PDE7B: variants seen among roughly 807,000 people sequenced by gnomAD.
The protein encoded by PDE7B is 3',5'-cyclic-AMP phosphodiesterase 7B.
In PDE7B, 29 loss-of-function variants were observed where a neutral mutation model predicts 56.2. That is an observed-to-expected ratio of 0.52 (90% CI 0.38 to 0.70). The LOEUF (loss-of-function observed/expected upper bound fraction) is 0.70. PDE7B is among the 30% of genes least tolerant of loss of function. The pLI is 0.00. For missense variants in PDE7B, 490 were observed against 565.0 expected (o/e 0.87, Z 1.35); for synonymous variants, 197 against 196.9 (o/e 1.00, Z 0.00).
chr6:135,909,925 C>T (rs1776183515), intron 1 of PDE7B, among the ~76,000 whole-genome samples: 1 of 152,136 alleles, frequency 6.6e-6, no homozygotes, highest in South Asian at 2.1e-4. Context: ...GAGCTCACAT[C>T]TAATTCTCCA....
chr6:135,868,746 G>A (rs1265496996), intron 1 of PDE7B, among the ~76,000 whole-genome samples: 2 of 152,168 alleles, frequency 1.3e-5, no homozygotes, highest in Non-Finnish European at 2.9e-5. Context: ...GGGAGTACTT[G>A]TGTAATGAAC....
At chr6:136,188,468 T>C (rs1779175048) in intron 12 of PDE7B, among the ~76,000 whole-genome samples, 1 of 152,106 alleles carries the variant, frequency 6.6e-6, no homozygotes, top group Admixed American at 6.5e-5. Context: ...TTCTCTCCTA[T>C]CAATTGCCTT....
intron 3 of PDE7B, among the ~76,000 whole-genome samples, chr6:136,146,383 T>C (rs934492933): frequency 1.3e-5 from 2 of 152,232 alleles, no homozygotes; most frequent in African/African-American, 4.8e-5. Flanking sequence ...ATCACTGTGA[T>C]GTCAACACTC....
chr6:135,898,924 A>G (rs1223628265), intron 1 of PDE7B, among the ~76,000 whole-genome samples: 1 of 152,122 alleles, frequency 6.6e-6, no homozygotes, highest in Non-Finnish European at 1.5e-5. Flanking sequence ...CTGTGTCCCC[A>G]CCCAAATCTC....
At chr6:136,069,665 CA>C (rs1777011743) in intron 2 of PDE7B, among the ~76,000 whole-genome samples, 1 of 152,116 alleles carries the variant, frequency 6.6e-6, no homozygotes, top group South Asian at 2.1e-4. Flanking sequence ...CTTTTTTAAA[CA>C]CTTAGTTCTA....
intron 8 of PDE7B, among the ~76,000 whole-genome samples, chr6:136,159,904 C>A (rs1426997307): frequency 6.6e-6 from 1 of 152,168 alleles, no homozygotes; most frequent in Non-Finnish European, 1.5e-5. Flanking sequence ...ATTCTGTTTG[C>A]CAAATACCCT....
intron 1 of PDE7B, among the ~76,000 whole-genome samples, chr6:135,905,197 C>T (rs1031935508): frequency 3.3e-5 from 5 of 152,146 alleles, no homozygotes; most frequent in African/African-American, 1.2e-4. Context: ...CCAAGTGCCA[C>T]TAACATATTT....
chr6:136,157,832 G>A (rs1207273420), intron 8 of PDE7B, among the ~76,000 whole-genome samples: 1 of 152,174 alleles, frequency 6.6e-6, no homozygotes, highest in Non-Finnish European at 1.5e-5. Context: ...GTACTTTTGG[G>A]ATTAAATTCC....
At chr6:135,889,342 C>A (rs375025907) in intron 1 of PDE7B, among the ~76,000 whole-genome samples, 26 of 151,996 alleles carry the variant, frequency 1.7e-4, no homozygotes, top group Middle Eastern at 3.4e-3. Flanking sequence ...AGTCTTACTC[C>A]GTCACCCAGG....
intron 3 of PDE7B, among the ~76,000 whole-genome samples, chr6:136,111,977 T>C (rs916876551): frequency 6.6e-6 from 1 of 152,130 alleles, no homozygotes; most frequent in East Asian, 1.9e-4. Flanking sequence ...TCACCATAGC[T>C]GTCACTCCCC....
intron 1 of PDE7B, among the ~76,000 whole-genome samples, chr6:135,916,613 G>C (rs971777427): frequency 6.6e-6 from 1 of 151,370 alleles, no homozygotes; most frequent in East Asian, 1.9e-4. Context: ...GGATGGTCTC[G>C]ATCTCTTGAT....
At chr6:135,975,106 G>A (rs1182438657) in intron 2 of PDE7B, among the ~76,000 whole-genome samples, 2 of 152,042 alleles carry the variant, frequency 1.3e-5, no homozygotes, top group African/African-American at 2.4e-5. Flanking sequence ...TGTCATGAGG[G>A]AATGCAGGCT....
chr6:136,108,808 C>T lies in PDE7B; in HGVS notation c.160C>T (p.Leu54Phe), dbSNP rs1777698325. Residue 54 changes from leucine (L) to phenylalanine (F), a missense_variant, in exon 3 of 13, where the codon CTT becomes TTT. Transcript: ENST00000308191. ...CTACCCATTCATTGACTTCCGCCTA[C>T]TTAACAGTGAGTAATCAAGTGTACC... ...GSYPFIDFRL[L>F]NSTTYSGEIG... The T allele has an allele frequency of 6.3e-7, 1 of 1,579,834 alleles. No individual in the cohort carries two copies. Among genetic ancestry groups the T allele is most frequent in the African/African-American group, 1.3e-5 (1 of 74,192 alleles).
rs1779022247 is a variant in PDE7B, at chr6:136,179,031, T to C, written c.838T>C (p.Leu280=). ...TGAACAGCAGCTGGGCTCCTTGATC[T>C]TGGCAACAGACATCAACAGGCAGAA... ...DIEQQLGSLI[L]ATDINRQNEF... is the part of the protein sequence containing the mutation. Residue 280 remains leucine (L), a synonymous_variant, in exon 10 of 13, where the codon TTG becomes CTG. Transcript: ENST00000308191. The C allele has an allele frequency of 6.2e-7, 1 of 1,614,194 alleles. No homozygotes were observed. Among genetic ancestry groups the C allele is most frequent in the African/African-American group, 1.3e-5 (1 of 75,064 alleles).
intron 2 of PDE7B, among the ~76,000 whole-genome samples, chr6:135,948,941 G>A: frequency 6.6e-6 from 1 of 151,758 alleles, no homozygotes; most frequent in Non-Finnish European, 1.5e-5. Flanking sequence ...AACAGGTACA[G>A]ATGGAAGCAG....
chr6:135,953,231 GCT>G (rs34729823), intron 2 of PDE7B, among the ~76,000 whole-genome samples: 53,639 of 151,616 alleles, frequency 0.35, 9,868 homozygotes, highest in Admixed American at 0.5. Context: ...TCTATATTTT[GCT>G]CTTATCACTT....
At chr6:135,973,068 T>C (rs1007889812) in intron 2 of PDE7B, among the ~76,000 whole-genome samples, 10 of 152,220 alleles carry the variant, frequency 6.6e-5, no homozygotes, top group African/African-American at 1.2e-4. Context: ...TTACAGCAGA[T>C]ATCTAGAGCT....
At chr6:136,108,456 G>T (rs189778377) in intron 2 of PDE7B, among the ~76,000 whole-genome samples, 90 of 152,224 alleles carry the variant, frequency 5.9e-4, no homozygotes, top group Middle Eastern at 3.4e-3. Flanking sequence ...AGCATAAAAA[G>T]ACTTTTGTCT....
chr6:136,052,952 C>T (rs991489971), intron 2 of PDE7B, among the ~76,000 whole-genome samples: 6 of 151,946 alleles, frequency 3.9e-5, no homozygotes, highest in Admixed American at 1.3e-4. Context: ...TGTCCCAAGG[C>T]ACAAGCTGGG....
Sources: gnomAD v4.1 joint callset for allele counts (sites outside exome capture counted in the v4.1 genomes callset) on GRCh38, gnomAD v4.1.1 for gene constraint, MANE v1.5 for transcripts, NCBI Gene and HGNC (gene_info 2026-07-23, HGNC 2026-07-21) for gene names.